PTPRM: variants seen among roughly 807,000 people sequenced by gnomAD.
PTPRM encodes the protein protein tyrosine phosphatase receptor type M.
PTPRM carries 47 observed loss-of-function variants against 186.7 expected under a neutral mutation model. The ratio of observed to expected loss-of-function variants is 0.25; its 90% confidence interval spans 0.20 to 0.32. PTPRM has a LOEUF of 0.32. Ranked by LOEUF, PTPRM falls within the 10% of genes least tolerant of loss-of-function variation. PTPRM has a pLI of 1.00. For synonymous variants in PTPRM, 668 were observed against 674.9 expected (o/e 0.99, Z 0.16); for missense variants, 1,494 against 1,865.0 (o/e 0.80, Z 3.66).
intron 2 of PTPRM, among the ~76,000 whole-genome samples, chr18:7,778,667 A>G (rs1438462808): frequency 2.0e-5 from 3 of 151,854 alleles, no homozygotes; most frequent in African/African-American, 7.3e-5. Flanking sequence ...TTTAGTAGAG[A>G]CGAGGTTTCA....
intron 31 of PTPRM, among the ~76,000 whole-genome samples, chr18:8,391,339 C>G (rs549072116): frequency 5.7e-4 from 87 of 152,314 alleles, no homozygotes; most frequent in Admixed American, 7.8e-4. Flanking sequence ...AAACTGGAAA[C>G]AGCCCAAACA....
At chr18:7,980,485 G>A (rs1270176210) in intron 7 of PTPRM, among the ~76,000 whole-genome samples, 2 of 151,974 alleles carry the variant, frequency 1.3e-5, no homozygotes, top group Non-Finnish European at 2.9e-5. Context: ...CTGGGCTCAA[G>A]TGATCCTCCC....
intron 1 of PTPRM, among the ~76,000 whole-genome samples, chr18:7,696,639 C>G (rs1296155574): frequency 6.6e-6 from 1 of 152,182 alleles, no homozygotes; most frequent in African/African-American, 2.4e-5. Context: ...GCTATTGTTT[C>G]AAGGGGCGAG....
At chr18:7,901,423 G>A (rs911488279) in intron 3 of PTPRM, among the ~76,000 whole-genome samples, 4 of 152,042 alleles carry the variant, frequency 2.6e-5, no homozygotes, top group Admixed American at 6.5e-5. Context: ...CTGCAGTGCA[G>A]TGGCACAATC....
At chr18:8,151,355 C>T (rs1326054987) in intron 14 of PTPRM, among the ~76,000 whole-genome samples, 4 of 151,980 alleles carry the variant, frequency 2.6e-5, no homozygotes, top group African/African-American at 7.2e-5. Context: ...GGCAGTCTGA[C>T]CACAGTGGCC....
intron 4 of PTPRM, among the ~76,000 whole-genome samples, chr18:7,913,852 C>T (rs2050408588): frequency 1.3e-5 from 2 of 152,052 alleles, no homozygotes; most frequent in Admixed American, 1.3e-4. Flanking sequence ...CCCTTCTAAA[C>T]CCATGTGCTG....
chr18:8,214,027 C>T (rs1167237875), intron 14 of PTPRM, among the ~76,000 whole-genome samples: 1 of 152,112 alleles, frequency 6.6e-6, no homozygotes, highest in Non-Finnish European at 1.5e-5. Context: ...CCAAATACCA[C>T]ATGTTCTCAC....
chr18:8,094,795 T>C (rs1217384102), intron 11 of PTPRM, among the ~76,000 whole-genome samples: 1 of 152,194 alleles, frequency 6.6e-6, no homozygotes, highest in African/African-American at 2.4e-5. Flanking sequence ...AGGAAACTTC[T>C]AATATTCAAA....
At chr18:8,381,764 C>T (rs1245501453) in intron 29 of PTPRM, among the ~76,000 whole-genome samples, 3 of 152,262 alleles carry the variant, frequency 2.0e-5, no homozygotes, top group South Asian at 2.1e-4. Flanking sequence ...TACAGTGGCA[C>T]GGCCGAAATT....
At chr18:8,144,622 T>C (rs1196883341) in intron 14 of PTPRM, among the ~76,000 whole-genome samples, 3 of 152,004 alleles carry the variant, frequency 2.0e-5, no homozygotes, top group African/African-American at 7.2e-5. Flanking sequence ...CAAACAAAGT[T>C]GTGTGTTACA....
intron 7 of PTPRM, among the ~76,000 whole-genome samples, chr18:8,029,946 A>T (rs923096771): frequency 1.3e-5 from 2 of 152,154 alleles, no homozygotes; most frequent in African/African-American, 4.8e-5. Context: ...CATTCCGTGC[A>T]CCGCAGCCTT....
intron 14 of PTPRM, among the ~76,000 whole-genome samples, chr18:8,187,067 G>T (rs904014716): frequency 2.0e-5 from 3 of 151,990 alleles, no homozygotes; most frequent in Non-Finnish European, 2.9e-5. Flanking sequence ...AGCCTCCCGA[G>T]TAGTTGGGAT....
chr18:7,973,876 CTTGT>C (rs2054744098), intron 7 of PTPRM, among the ~76,000 whole-genome samples: 1 of 151,098 alleles, frequency 6.6e-6, no homozygotes, highest in South Asian at 2.1e-4. Context: ...ACTTTCTAGT[CTTGT>C]TTTAGAAGAT....
Position 8,387,217 on chromosome 18 carries a change from G to T in PTPRM, c.4190G>T (p.Arg1397Leu). The T allele has an allele frequency of 2.5e-6, 4 of 1,613,830 alleles. No individual in the cohort carries two copies. The highest frequency in any genetic ancestry group is 1.7e-5 in the Admixed American group (1 of 60,018). ...WQEEYNGGEGRTVVHCLNGGG... is the reference protein window; with the variant it reads ...WQEEYNGGEGLTVVHCLNGGG... ...GAGGAGTACAATGGCGGGGAAGGCC[G>T]CACGGTTGTGCACTGCTTGTAAGTG... Residue 1397 changes from arginine to leucine, a missense_variant, in exon 31 of 33, where the codon CGC becomes CTC. By Grantham distance (102) the Arg-to-Leu change is moderately radical. This residue lies in a region of PTPRM where 1,107 missense variants were observed against 1,350.2 expected (regional missense o/e 0.82). Transcript: ENST00000580170.
chr18:8,195,729 A>G (rs2093769175), intron 14 of PTPRM, among the ~76,000 whole-genome samples: 1 of 152,198 alleles, frequency 6.6e-6, no homozygotes, highest in African/African-American at 2.4e-5. Context: ...TAGACATTGG[A>G]GACTCCAGTT....
intron 1 of PTPRM, among the ~76,000 whole-genome samples, chr18:7,647,515 A>T (rs1388524504): frequency 1.3e-5 from 2 of 152,356 alleles, no homozygotes; most frequent in Middle Eastern, 6.8e-3. Flanking sequence ...ATATGAAGAT[A>T]CAGTTTCCTA....
intron 14 of PTPRM, among the ~76,000 whole-genome samples, chr18:8,194,589 A>G (rs903212833): frequency 2.0e-5 from 3 of 152,306 alleles, no homozygotes; most frequent in African/African-American, 4.8e-5. Flanking sequence ...GTGCTCATTC[A>G]TTAGGCCTTA....
At chr18:8,244,792 A>G (rs1483036985) in intron 15 of PTPRM, among the ~76,000 whole-genome samples, 1 of 152,172 alleles carries the variant, frequency 6.6e-6, no homozygotes, top group Non-Finnish European at 1.5e-5. Flanking sequence ...ATTTTAGGAA[A>G]CTAACAATTA....
intron 13 of PTPRM, among the ~76,000 whole-genome samples, chr18:8,136,546 GT>G (rs1488245242): frequency 6.6e-6 from 1 of 152,108 alleles, no homozygotes; most frequent in African/African-American, 2.4e-5. Flanking sequence ...GAAAAATTAT[GT>G]TTCTGATTAT....
Sources: gnomAD v4.1 joint callset for allele counts (sites outside exome capture counted in the v4.1 genomes callset) on GRCh38, gnomAD v4.1.1 for gene constraint, gnomAD v4.1.1 regional missense constraint, MANE v1.5 for transcripts, NCBI Gene and HGNC (gene_info 2026-07-23, HGNC 2026-07-21) for gene names.